The following CHD7 variants were observed in gnomAD, a reference collection of about 807,000 sequenced individuals.
CHD7 encodes ATP-dependent chromatin remodeler CHD7.
Under a neutral mutation model 307.3 loss-of-function variants are expected in CHD7, and 24 were observed. That is an observed-to-expected ratio of 0.08 (90% CI 0.06 to 0.11). The LOEUF (loss-of-function observed/expected upper bound fraction) is 0.11, where lower values mean the gene tolerates loss of function less well. CHD7 is among the 10% of genes least tolerant of loss of function. CHD7 has a pLI of 1.00. For missense variants in CHD7, 3,106 were observed against 3,727.1 expected (o/e 0.83, Z 4.34); for synonymous variants, 1,363 against 1,349.9 (o/e 1.01, Z -0.21).
At chr8:60,683,427 T>C (rs895960197) in intron 1 of CHD7, among the ~76,000 whole-genome samples, 2 of 152,240 alleles carry the variant, frequency 1.3e-5, no homozygotes, top group African/African-American at 2.4e-5. Flanking sequence ...TAAAACATCA[T>C]GACTATGTGT....
intron 1 of CHD7, among the ~76,000 whole-genome samples, chr8:60,697,891 A>G (rs1218731123): frequency 2.6e-5 from 4 of 152,224 alleles, no homozygotes; most frequent in Non-Finnish European, 5.9e-5. Context: ...AGAGTACAGC[A>G]TAGGTGGACT....
intron 1 of CHD7, among the ~76,000 whole-genome samples, chr8:60,700,431 A>G (rs921119036): frequency 2.0e-5 from 3 of 152,208 alleles, no homozygotes; most frequent in African/African-American, 4.8e-5. Flanking sequence ...AAGATTTCAT[A>G]TATATCTCAG....
At chr8:60,697,651 T>A (rs1046148838) in intron 1 of CHD7, among the ~76,000 whole-genome samples, 1 of 152,178 alleles carries the variant, frequency 6.6e-6, no homozygotes, top group Non-Finnish European at 1.5e-5. Context: ...AAAAAAGTCG[T>A]GGAATTGATG....
chr8:60,842,841 CT>C (rs1174228592), intron 21 of CHD7, among the ~76,000 whole-genome samples: 1 of 152,218 alleles, frequency 6.6e-6, no homozygotes. Flanking sequence ...ACCTTGTCTT[CT>C]GTTGGTTCTT....
At chr8:60,839,912 T>G (rs1804894211) in intron 19 of CHD7, among the ~76,000 whole-genome samples, 1 of 152,232 alleles carries the variant, frequency 6.6e-6, no homozygotes, top group South Asian at 2.1e-4. Context: ...TTACCAAATT[T>G]ATTTTATCGC....
rs1329079005 is a variant in CHD7, at chr8:60,760,564, A to G, written c.1665+17467A>G. Among the ~76,000 whole-genome samples the G allele has an allele frequency of 2.8e-3, 410 of 145,384 alleles. 5 individuals carry two copies. The highest frequency in any genetic ancestry group is 0.01 in the African/African-American group (392 of 39,140). On this transcript the variant is annotated intron_variant, in intron 2 of 37. Coordinates refer to ENST00000423902, the MANE Select transcript of CHD7 (RefSeq NM_017780.4). ...CATCAGAGTGAACAGGCAACCTACA[A>G]AATGGGAGAAAATTTTCACAACCTA...
intron 15 of CHD7, among the ~76,000 whole-genome samples, chr8:60,834,431 A>C (rs185548809): frequency 2.2e-4 from 34 of 152,348 alleles, no homozygotes; most frequent in African/African-American, 7.7e-4. Flanking sequence ...TGTAACGTGC[A>C]CTTAAATCTG....
chr8:60,696,569 G>A (rs577967299), intron 1 of CHD7, among the ~76,000 whole-genome samples: 1 of 151,742 alleles, frequency 6.6e-6, no homozygotes, highest in East Asian at 1.9e-4. Flanking sequence ...AGCAGTGCTT[G>A]TTGCATCATT....
At chr8:60,775,583 G>A (rs1042103772) in intron 2 of CHD7, among the ~76,000 whole-genome samples, 1 of 152,166 alleles carries the variant, frequency 6.6e-6, no homozygotes, top group Non-Finnish European at 1.5e-5. Flanking sequence ...CACTATATCA[G>A]TATAATCAAA....
intron 25 of CHD7, 134 bp from the exon 26 acceptor site, chr8:60,850,359 T>G: frequency 9.1e-7 from 1 of 1,094,566 alleles, no homozygotes; most frequent in Non-Finnish European, 1.3e-6. Flanking sequence ...TAAAACAAGG[T>G]CCACTTGGAT....
intron 1 of CHD7, among the ~76,000 whole-genome samples, chr8:60,720,782 A>G (rs950939326): frequency 2.0e-5 from 3 of 147,798 alleles, no homozygotes; most frequent in African/African-American, 7.3e-5. Context: ...CTTTCCTCTA[A>G]TGGGGGTAAC....
At chr8:60,767,598 C>G (rs1810531628) in intron 2 of CHD7, among the ~76,000 whole-genome samples, 1 of 152,204 alleles carries the variant, frequency 6.6e-6, no homozygotes, top group Admixed American at 6.5e-5. Flanking sequence ...GCCACATGCT[C>G]AGCTGTGCTG....
At chr8:60,690,525 A>G (rs1806141558) in intron 1 of CHD7, among the ~76,000 whole-genome samples, 1 of 152,218 alleles carries the variant, frequency 6.6e-6, no homozygotes, top group Non-Finnish European at 1.5e-5. Flanking sequence ...GCAAACCTCC[A>G]GTTTTATAGG....
In CHD7 at chr8:60,810,534, G is replaced by A. The variant is rs146893823; in HGVS notation, c.2498+2262G>A. Among the ~76,000 whole-genome samples the A allele has an allele frequency of 8.0e-3, 1,216 of 152,076 alleles. 16 individuals are homozygous for A. The highest frequency in any genetic ancestry group is 0.027 in the African/African-American group (1,123 of 41,462). On this transcript the variant is annotated intron_variant, in intron 7 of 37. Coordinates refer to ENST00000423902, the MANE Select transcript of CHD7 (RefSeq NM_017780.4). ...TCCAGTATTATTCCAGCAGCCCAGGGTTCATTCTCTCCTTTCCCCTTTAAT... is the reference window on the plus strand; with the variant it reads ...TCCAGTATTATTCCAGCAGCCCAGGATTCATTCTCTCCTTTCCCCTTTAAT...
Position 60,853,282 on chromosome 8 carries a change from A to T in CHD7, c.6557A>T (p.Lys2186Ile), listed in dbSNP as rs754943887. ...EEPENPAAKEKCEGKEEEEET... is the reference protein window; with the variant it reads ...EEPENPAAKEICEGKEEEEET... ...CCTGAAAACCCAGCTGCCAAGGAGA[A>T]ATGTGAGGGCAAAGAAGAGGAAGAA... The change falls in exon 31 of 38, where the codon AAA becomes ATA. Residue 2186 changes from lysine (K) to isoleucine (I), a missense_variant. Coordinates refer to ENST00000423902, the MANE Select transcript of CHD7 (RefSeq NM_017780.4). 3 of 1,611,656 alleles carry T rather than the reference A, an allele frequency of 1.9e-6. No individual in the cohort carries two copies.
chr8:60,800,185 C>G (rs1389874021), intron 4 of CHD7, among the ~76,000 whole-genome samples: 1 of 152,068 alleles, frequency 6.6e-6, no homozygotes, highest in Non-Finnish European at 1.5e-5. Context: ...CACCCGCCAC[C>G]ACGCCCGGCT....
At chr8:60,765,138 A>G (rs764136154) in intron 2 of CHD7, among the ~76,000 whole-genome samples, 2 of 152,086 alleles carry the variant, frequency 1.3e-5, no homozygotes, top group African/African-American at 2.4e-5. Context: ...GGACTTTGAT[A>G]TTCCACCCGC....
chr8:60,777,731 T>G (rs1811020981), intron 2 of CHD7, among the ~76,000 whole-genome samples: 1 of 152,244 alleles, frequency 6.6e-6, no homozygotes, highest in Admixed American at 6.5e-5. Flanking sequence ...CTTATGGTAA[T>G]GTTTTCAACA....
intron 13 of CHD7, among the ~76,000 whole-genome samples, chr8:60,826,030 A>G (rs1233572977): frequency 6.6e-6 from 1 of 152,140 alleles, no homozygotes. Context: ...GTTTTCTATT[A>G]TTTATACTAA....
Sources: allele counts gnomAD v4.1 joint callset (sites outside exome capture counted in the v4.1 genomes callset), GRCh38; gene constraint gnomAD v4.1.1; transcripts MANE v1.5; gene names NCBI Gene and HGNC (gene_info 2026-07-23, HGNC 2026-07-21).